The following STK3 variants were observed in gnomAD, a reference collection of about 807,000 sequenced individuals.
STK3 encodes serine/threonine-protein kinase 3.
In STK3, 41 loss-of-function variants were observed where a neutral mutation model predicts 58.0. That is an observed-to-expected ratio of 0.71 (90% CI 0.55 to 0.92). The LOEUF (loss-of-function observed/expected upper bound fraction) is 0.92. STK3 is among the 40% of genes least tolerant of loss of function. STK3 has a pLI of 0.00. For synonymous variants in STK3, 170 were observed against 191.0 expected, an observed-to-expected ratio of 0.89 and a Z score of 0.91; for missense variants, 479 against 602.7, an observed-to-expected ratio of 0.79 and a Z score of 2.15.
intron 1 of STK3, among the ~76,000 whole-genome samples, chr8:98,446,236 A>C (rs1331980755): frequency 6.6e-6 from 1 of 152,168 alleles, no homozygotes; most frequent in East Asian, 1.9e-4. Flanking sequence ...GGCTTTGTTT[A>C]CATCTTTCTT....
chr8:98,599,544 C>G (rs762527395), intron 6 of STK3, among the ~76,000 whole-genome samples: 16 of 152,086 alleles, frequency 1.1e-4, no homozygotes, highest in South Asian at 2.1e-4. Context: ...ATTAAAAAAC[C>G]CTGGCACTCT....
intron 3 of STK3, chr8:98,427,221 C>T (rs1305670921): frequency 1.3e-5 from 2 of 150,828 alleles, no homozygotes; most frequent in Non-Finnish European, 3.0e-5. Context: ...GGCGCACACA[C>T]TCGCACCCGC....
At chr8:98,344,613 GC>G in the STK3 span, among the ~76,000 whole-genome samples, 14,868 of 152,224 alleles carry the variant, frequency 0.098, 1,028 homozygotes, top group Non-Finnish European at 0.16. Flanking sequence ...GGGACCCTCG[GC>G]CGGGCGCGGT....
chr8:98,648,232 A>G (rs1157994908), intron 6 of STK3, among the ~76,000 whole-genome samples: 1 of 152,192 alleles, frequency 6.6e-6, no homozygotes, highest in African/African-American at 2.4e-5. Context: ...GCTCCTTCAC[A>G]TCTTATTTTT....
chr8:98,819,423 C>T (rs552635981), intron 1 of STK3, among the ~76,000 whole-genome samples: 8 of 152,188 alleles, frequency 5.3e-5, no homozygotes, highest in African/African-American at 1.4e-4. Context: ...ATTTTATTGT[C>T]GCACTCCCTC....
intron 1 of STK3, among the ~76,000 whole-genome samples, chr8:98,929,720 C>G (rs1839940315): frequency 6.6e-6 from 1 of 152,166 alleles, no homozygotes; most frequent in South Asian, 2.1e-4. Context: ...CTTGGTCTCC[C>G]TTGACAATGA....
At chr8:98,744,166 A>G (rs898165140) in intron 4 of STK3, among the ~76,000 whole-genome samples, 1 of 152,212 alleles carries the variant, frequency 6.6e-6, no homozygotes, top group Admixed American at 6.5e-5. Context: ...TGTGGAAGGC[A>G]GTGTGGCGAT....
chr8:98,573,655 A>G (rs1229318109), intron 8 of STK3, among the ~76,000 whole-genome samples: 1 of 152,150 alleles, frequency 6.6e-6, no homozygotes, highest in Non-Finnish European at 1.5e-5. Flanking sequence ...CAGTCCCCCA[A>G]AGTCTTAGCT....
chr8:98,796,361 T>C (rs928645218), intron 1 of STK3, among the ~76,000 whole-genome samples: 3 of 152,140 alleles, frequency 2.0e-5, no homozygotes, highest in African/African-American at 7.2e-5. Flanking sequence ...CCATCTGATC[T>C]TCAACAAAAT....
At chr8:98,884,049 A>G (rs1365512109) in intron 1 of STK3, among the ~76,000 whole-genome samples, 1 of 152,172 alleles carries the variant, frequency 6.6e-6, no homozygotes, top group Admixed American at 6.5e-5. Context: ...CAATGTGGAC[A>G]AGGAAATCTT....
At chr8:98,590,907 TATC>T (rs1815253977) in intron 7 of STK3, among the ~76,000 whole-genome samples, 1 of 152,232 alleles carries the variant, frequency 6.6e-6, no homozygotes, top group East Asian at 1.9e-4. Flanking sequence ...ATACATGTTT[TATC>T]ATAATATTCT....
intron 1 of STK3, among the ~76,000 whole-genome samples, chr8:98,887,790 C>T (rs892763591): frequency 6.6e-6 from 1 of 152,144 alleles, no homozygotes; most frequent in African/African-American, 2.4e-5. Flanking sequence ...AGGGATGACT[C>T]CATTCTGGAC....
At chr8:98,905,276 C>G (rs1838847440) in intron 1 of STK3, 5 of 826,600 alleles carry the variant, frequency 6.0e-6, no homozygotes, top group Admixed American at 5.1e-5. Context: ...TTGTCAAGGC[C>G]CCTGACGGTC....
At chr8:98,614,370 A>C (rs535709975) in intron 6 of STK3, among the ~76,000 whole-genome samples, 82 of 151,882 alleles carry the variant, frequency 5.4e-4, no homozygotes, top group African/African-American at 1.8e-3. Flanking sequence ...ACAGAGACAT[A>C]ATAGGAAAAT....
chr8:98,904,567 T>C lies in STK3; in HGVS notation c.-78-20733A>G, dbSNP rs1453667811. The C allele has an allele frequency of 9.3e-6, 5 of 540,244 alleles. No homozygotes were observed. In the African/African-American group the frequency reaches 9.5e-5, roughly 10 times the overall value. The allele number at this position is 540,244 out of a possible 1,614,324, so 33.5% of individuals were successfully genotyped here. Reference sequence around the variant, plus strand: ...CTCATATATGCCCGCAGCCCGAGGGTTCAGTCAGCAATTATTCTACCTCCA... The same window carrying C: ...CTCATATATGCCCGCAGCCCGAGGGCTCAGTCAGCAATTATTCTACCTCCA... On this transcript the variant is annotated intron_variant, in intron 1 of 1. Transcript: ENST00000519420.
intron 6 of STK3, among the ~76,000 whole-genome samples, chr8:98,617,320 G>A (rs1817834933): frequency 7.0e-6 from 1 of 141,916 alleles, no homozygotes; most frequent in African/African-American, 2.7e-5. Context: ...GCAGTGTGTA[G>A]AGGGAAATTT....
intron 1 of STK3, among the ~76,000 whole-genome samples, chr8:98,937,315 T>C (rs2132054922): frequency 6.6e-6 from 1 of 152,346 alleles, no homozygotes; most frequent in East Asian, 1.9e-4. Flanking sequence ...AATTATCACC[T>C]GGCATGAAGT....
At chr8:98,745,949 C>G (rs895742388) in intron 4 of STK3, among the ~76,000 whole-genome samples, 3 of 152,168 alleles carry the variant, frequency 2.0e-5, no homozygotes, top group African/African-American at 7.2e-5. Context: ...AGCATGTTAC[C>G]GTACAGAATG....
rs1356182345 is a variant in STK3, at chr8:98,528,703, A to G, written c.1142-1786T>C. On this transcript the variant is annotated intron_variant, in intron 9 of 10. Transcript: ENST00000419617. ...GTTTCTCCATGTTGGTCAGGCAGTA[A>G]GCTACTTTCTTAAGAATTTTTTGTG... Among the ~76,000 whole-genome samples the G allele has an allele frequency of 3.3e-5, 5 of 152,204 alleles. No homozygotes were observed. The East Asian group carries it at 9.7e-4, about 29-fold the overall frequency.
Sources: allele counts gnomAD v4.1 joint callset (sites outside exome capture counted in the v4.1 genomes callset), GRCh38; gene constraint gnomAD v4.1.1; transcripts MANE v1.5; gene names NCBI Gene and HGNC (gene_info 2026-07-23, HGNC 2026-07-21).